The following TIMP2 variants were observed in gnomAD, a reference collection of about 807,000 sequenced individuals.
The protein encoded by TIMP2 is metalloproteinase inhibitor 2.
TIMP2 carries 5 observed loss-of-function variants against 24.3 expected under a neutral mutation model. That is an observed-to-expected ratio of 0.21 (90% confidence interval 0.11 to 0.43). The LOEUF is 0.43. TIMP2 is among the 20% of genes least tolerant of loss of function. The pLI, the probability that TIMP2 is intolerant of heterozygous loss-of-function variation, is 1.00. For missense variants in TIMP2, 221 were observed against 297.5 expected (o/e 0.74, Z 1.89); for synonymous variants, 130 against 123.2 (o/e 1.06, Z -0.37).
At chr17:78,889,053 G>C (rs1010639987) in intron 1 of TIMP2, among the ~76,000 whole-genome samples, 4 of 152,200 alleles carry the variant, frequency 2.6e-5, no homozygotes, top group African/African-American at 9.7e-5. Flanking sequence ...TATTTTTGTA[G>C]AGTCTCATTG....
intron 1 of TIMP2, among the ~76,000 whole-genome samples, chr17:78,909,537 C>A (rs73999313): frequency 0.11 from 17,094 of 151,242 alleles, 1,174 homozygotes; most frequent in African/African-American, 0.19. Flanking sequence ...GCACCCCGTA[C>A]CCCATCACCT....
At chr17:78,881,218 G>A (rs903011933) in intron 1 of TIMP2, among the ~76,000 whole-genome samples, 6 of 152,242 alleles carry the variant, frequency 3.9e-5, no homozygotes, top group Admixed American at 2.6e-4. Context: ...TCTTCTGCAG[G>A]CTCCAGCTTT....
In TIMP2 at chr17:78,891,657, TTCCCA is replaced by T; in HGVS notation, c.131-17743_131-17739del. The T allele has an allele frequency of 6.4e-7, 1 of 1,550,980 alleles. No homozygotes were observed. The highest frequency in any genetic ancestry group is 8.7e-7 in the Non-Finnish European group (1 of 1,147,106). ...GCTGGAACAAAGCAAACTGCCCCCTTTCCCAGTTGCCTCCTCCCCGCCCGAGCTGT... is the reference window on the plus strand; with the variant it reads ...GCTGGAACAAAGCAAACTGCCCCCTTGTTGCCTCCTCCCCGCCCGAGCTGT... On this transcript the variant is annotated intron_variant, in intron 1 of 4. Transcript: ENST00000262768. The surrounding 1 kb of genome is among the most constrained non-coding windows in gnomAD (Gnocchi z 4.5).
intron 1 of TIMP2, among the ~76,000 whole-genome samples, chr17:78,893,052 A>G (rs1257000736): frequency 1.3e-5 from 2 of 152,164 alleles, no homozygotes; most frequent in African/African-American, 4.8e-5. Flanking sequence ...GAGCCTGCCA[A>G]GCATGTGTGT....
At chr17:78,905,898 C>T (rs888094866) in intron 1 of TIMP2, among the ~76,000 whole-genome samples, 4 of 152,192 alleles carry the variant, frequency 2.6e-5, no homozygotes, top group Admixed American at 2.0e-4. Flanking sequence ...AGACATACTG[C>T]GGGTTGAGTT....
At chr17:78,883,463 G>T (rs1032247083) in intron 1 of TIMP2, among the ~76,000 whole-genome samples, 1 of 152,216 alleles carries the variant, frequency 6.6e-6, no homozygotes, top group Non-Finnish European at 1.5e-5. Context: ...CAACTACTCA[G>T]AAAAGATATT....
At chr17:78,871,097 C>T (rs2069679282) in intron 2 of TIMP2, 91 bp from the exon 3 acceptor site, 6 of 1,071,436 alleles carry the variant, frequency 5.6e-6, no homozygotes, top group Non-Finnish European at 8.4e-6. Context: ...GGCGGCACAA[C>T]CTGTAGCTGG....
At chr17:78,895,654 A>G (rs2069987754) in intron 1 of TIMP2, among the ~76,000 whole-genome samples, 1 of 152,224 alleles carries the variant, frequency 6.6e-6, no homozygotes, top group South Asian at 2.1e-4. Flanking sequence ...AGAAGGCCTG[A>G]GTCCACAAAA....
intron 1 of TIMP2, among the ~76,000 whole-genome samples, chr17:78,892,741 T>C (rs1056668657): frequency 1.3e-5 from 2 of 152,132 alleles, no homozygotes; most frequent in African/African-American, 4.8e-5. Flanking sequence ...TTGTCACAAA[T>C]GCAGGGAGGA....
intron 3 of TIMP2, among the ~76,000 whole-genome samples, chr17:78,866,404 A>G (rs1023472144): frequency 6.7e-6 from 1 of 150,184 alleles, no homozygotes. Context: ...TTTTTTTCTT[A>G]TTGTAAAAAT....
rs1223442908 is a variant in TIMP2, at chr17:78,924,465, C to A, written c.130+494G>T. On this transcript the variant is annotated intron_variant, in intron 1 of 4. Coordinates refer to ENST00000262768, the MANE Select transcript of TIMP2 (RefSeq NM_003255.5). This position sits in a 1 kb window ranked among gnomAD's most constrained non-coding sequence, Gnocchi z 5.3. Reference sequence around the variant, plus strand: ...GGCTTCCATCCCACCCTGGCTTGATCGGGGAGCCCCCAAATGGGGCTGGTG... The same window carrying A: ...GGCTTCCATCCCACCCTGGCTTGATAGGGGAGCCCCCAAATGGGGCTGGTG... 6.6e-6 allele frequency among the ~76,000 whole-genome samples: 1 copy of A among 152,208 alleles called. No individual in the cohort carries two copies. The highest frequency in any genetic ancestry group is 1.5e-5 in the Non-Finnish European group (1 of 68,032).
intron 3 of TIMP2, among the ~76,000 whole-genome samples, chr17:78,861,808 G>C (rs2145746903): frequency 6.6e-6 from 1 of 152,100 alleles, no homozygotes; most frequent in South Asian, 2.1e-4. Flanking sequence ...TCACCATGTT[G>C]GCTGGGCTGG....
At chr17:78,909,445 T>TC (rs2070188510) in intron 1 of TIMP2, among the ~76,000 whole-genome samples, 1 of 146,322 alleles carries the variant, frequency 6.8e-6, no homozygotes, top group African/African-American at 2.5e-5. Context: ...AGCATAATAA[T>TC]CCCCCCGGAC....
chr17:78,853,580 G>C lies in TIMP2; in HGVS notation c.*2087C>G, dbSNP rs984462636. Reference sequence around the variant, plus strand: ...TTGAACTGGAGAACCAAAGACGGGAGACGAATGAAAGCAAAGATGCTCAAA... The same window carrying C: ...TTGAACTGGAGAACCAAAGACGGGACACGAATGAAAGCAAAGATGCTCAAA... On this transcript the variant is annotated 3_prime_UTR_variant, in exon 5 of 5. Transcript: ENST00000262768. 3.3e-5 allele frequency: 5 copies of C among 152,568 alleles called. No individual in the cohort carries two copies. Among genetic ancestry groups the C allele is most frequent in the African/African-American group, 1.2e-4 (5 of 41,450 alleles). The allele number at this position is 152,568 out of a possible 1,614,324, so 9.5% of individuals were successfully genotyped here. A position where few individuals can be genotyped will look rare whatever the true frequency, so the allele number is the denominator to read the frequency against.
At chr17:78,885,287 G>A (rs2069815876) in intron 1 of TIMP2, among the ~76,000 whole-genome samples, 1 of 152,246 alleles carries the variant, frequency 6.6e-6, no homozygotes, top group South Asian at 2.1e-4. Flanking sequence ...CAAGGGTGGG[G>A]GCAGAAGCAC....
At chr17:78,919,833 CG>C (rs2145797683) in intron 1 of TIMP2, among the ~76,000 whole-genome samples, 1 of 147,414 alleles carries the variant, frequency 6.8e-6, no homozygotes, top group East Asian at 1.9e-4. Context: ...GACTCCATCT[CG>C]AAAAAAAAGA....
chr17:78,919,686 T>C (rs1461782651), intron 1 of TIMP2, among the ~76,000 whole-genome samples: 1 of 152,036 alleles, frequency 6.6e-6, no homozygotes, highest in Non-Finnish European at 1.5e-5. Flanking sequence ...TTCAAAAAAA[T>C]TAGCCGGGCA....
chr17:78,866,593 A>G (rs1001456986), intron 3 of TIMP2, among the ~76,000 whole-genome samples: 1 of 150,908 alleles, frequency 6.6e-6, no homozygotes, highest in Non-Finnish European at 1.5e-5. Context: ...TCACACACCA[A>G]TGTTCATTGC....
At chr17:78,901,003 C>A (rs745668991) in intron 1 of TIMP2, 1 of 152,442 alleles carries the variant, frequency 6.6e-6, no homozygotes, top group Non-Finnish European at 1.5e-5. Context: ...CAAGCGGCAA[C>A]GCTGTGGTGC....
Sources: gnomAD v4.1 joint callset for allele counts (sites outside exome capture counted in the v4.1 genomes callset) on GRCh38, gnomAD v4.1.1 for gene constraint, Gnocchi (gnomAD v3.1) non-coding constraint, MANE v1.5 for transcripts, NCBI Gene and HGNC (gene_info 2026-07-23, HGNC 2026-07-21) for gene names.